The following AEBP2 variants were observed in gnomAD, a reference collection of about 807,000 sequenced individuals.
AEBP2 encodes zinc finger protein AEBP2.
In AEBP2, 10 loss-of-function variants were observed where a neutral mutation model predicts 50.8. The observed-to-expected ratio is 0.20, with a 90% confidence interval of 0.12 to 0.33. The LOEUF (loss-of-function observed/expected upper bound fraction) is 0.33. Among genes scored for constraint, AEBP2 ranks in the 10% least tolerant of loss-of-function variants. AEBP2 has a pLI of 1.00. For synonymous variants in AEBP2, 296 were observed against 261.3 expected, an observed-to-expected ratio of 1.13 and a Z score of -1.28; for missense variants, 570 against 688.0, an observed-to-expected ratio of 0.83 and a Z score of 1.92.
intron 5 of AEBP2, among the ~76,000 whole-genome samples, chr12:19,500,913 C>T (rs1056295229): frequency 8.5e-5 from 13 of 152,182 alleles, no homozygotes; most frequent in Non-Finnish European, 1.9e-4. Flanking sequence ...CATGCCTCTT[C>T]TCATTTTGTT....
At chr12:19,501,775 C>A (rs1199529237) in intron 5 of AEBP2, among the ~76,000 whole-genome samples, 1 of 145,198 alleles carries the variant, frequency 6.9e-6, no homozygotes, top group East Asian at 2.0e-4. Context: ...CTATTTCCGT[C>A]GTCTCCTATA....
At chr12:19,504,563 A>G (rs972524810) in intron 5 of AEBP2, among the ~76,000 whole-genome samples, 1 of 152,026 alleles carries the variant, frequency 6.6e-6, no homozygotes, top group Non-Finnish European at 1.5e-5. Context: ...CTTTTATTAC[A>G]TAGGGTTTAT....
intron 2 of AEBP2, among the ~76,000 whole-genome samples, chr12:19,467,033 T>C (rs904818597): frequency 2.0e-5 from 3 of 152,004 alleles, no homozygotes; most frequent in Non-Finnish European, 4.4e-5. Flanking sequence ...TCAAGTGGAG[T>C]TTAGATTTTC....
At chr12:19,412,378 A>G (rs935649702) in intron 1 of AEBP2, among the ~76,000 whole-genome samples, 1 of 151,940 alleles carries the variant, frequency 6.6e-6, no homozygotes, top group African/African-American at 2.4e-5. Flanking sequence ...CCTGGGTTCA[A>G]GCGATTCTCC....
chr12:19,466,371 G>A (rs1419739130), intron 2 of AEBP2, among the ~76,000 whole-genome samples: 1 of 152,076 alleles, frequency 6.6e-6, no homozygotes, highest in Non-Finnish European at 1.5e-5. Flanking sequence ...TGGGAGAATT[G>A]CTTGAGCCCA....
intron 3 of AEBP2, 149 bp downstream of exon 3, chr12:19,473,504 C>T (rs571050036): frequency 4.1e-6 from 1 of 245,426 alleles, no homozygotes; most frequent in Admixed American, 5.5e-5. Context: ...CTGCTGTGTT[C>T]AATTGATTTT....
intron 3 of AEBP2, among the ~76,000 whole-genome samples, chr12:19,475,441 T>G (rs1271095794): frequency 2.6e-5 from 4 of 152,050 alleles, no homozygotes; most frequent in African/African-American, 7.2e-5. Flanking sequence ...ATGGTATGTA[T>G]GTATGTATGT....
chr12:19,431,655 A>G (rs1042607696), intron 1 of AEBP2, among the ~76,000 whole-genome samples: 1 of 152,228 alleles, frequency 6.6e-6, no homozygotes, highest in Non-Finnish European at 1.5e-5. Context: ...CTTTAACTCA[A>G]AAACTATAAT....
chr12:19,423,187 T>A (rs2095746757), intron 1 of AEBP2, among the ~76,000 whole-genome samples: 1 of 149,710 alleles, frequency 6.7e-6, no homozygotes, highest in Non-Finnish European at 1.5e-5. Flanking sequence ...CAGTGCCTCA[T>A]ACATAGTAGA....
chr12:19,460,423 C>A (rs2153369844), intron 1 of AEBP2, among the ~76,000 whole-genome samples: 1 of 151,738 alleles, frequency 6.6e-6, no homozygotes, highest in African/African-American at 2.4e-5. Flanking sequence ...CTCACTGCAA[C>A]CTCCTACTGC....
In AEBP2 at chr12:19,413,633, G is replaced by A. The variant is rs180970381; in HGVS notation, c.-17+9417G>A. On this transcript the variant is annotated intron_variant, in intron 1 of 3. Coordinates refer to the AEBP2 transcript ENST00000538425. Reference sequence around the variant, plus strand: ...GCTATTCCATAGACAGAGCAGCCCAGCGGGCCGCTGGTTGTCCATTTTTAT... The same window carrying A: ...GCTATTCCATAGACAGAGCAGCCCAACGGGCCGCTGGTTGTCCATTTTTAT... Among the ~76,000 whole-genome samples the A allele has an allele frequency of 2.0e-5, 3 of 152,190 alleles. No homozygotes were observed. The East Asian group carries it at 5.8e-4, about 29-fold the overall frequency.
In AEBP2 at chr12:19,440,251, C is replaced by A. The variant is rs747676646; in HGVS notation, c.552C>A (p.Gly184=). The change falls in exon 1 of 8, where the codon GGC becomes GGA. Residue 184 remains glycine (G), a synonymous_variant. Transcript: ENST00000266508. ...GTAGCAGCAGCGTAGTCTCCAGCGGCGGCGACGAGGGCTACGGGACTGGGG... is the reference window on the plus strand; with the variant it reads ...GTAGCAGCAGCGTAGTCTCCAGCGGAGGCGACGAGGGCTACGGGACTGGGG... ...GSSSSSVVSS[G]GDEGYGTGGG... 1 of 1,467,068 alleles carries A rather than the reference C, an allele frequency of 6.8e-7. No homozygotes were observed. The highest frequency in any genetic ancestry group is 8.9e-7 in the Non-Finnish European group (1 of 1,120,454). The allele number at this position is 1,467,068 out of a possible 1,614,324, so 90.9% of individuals were successfully genotyped here.
At chr12:19,465,823 G>T (rs1366781203) in intron 2 of AEBP2, among the ~76,000 whole-genome samples, 1 of 134,846 alleles carries the variant, frequency 7.4e-6, no homozygotes, top group East Asian at 2.2e-4. Context: ...ATGGAGTGTT[G>T]CTCTGTTTCC....
chr12:19,502,156 A>G (rs571430376), intron 5 of AEBP2, among the ~76,000 whole-genome samples: 1 of 151,922 alleles, frequency 6.6e-6, no homozygotes, highest in Admixed American at 6.5e-5. Flanking sequence ...TTCTTTTGAG[A>G]CAGAGTCTTG....
At chr12:19,497,611 T>TACCG (rs1396160484) in intron 4 of AEBP2, among the ~76,000 whole-genome samples, 4 of 152,120 alleles carry the variant, frequency 2.6e-5, no homozygotes, top group Non-Finnish European at 5.9e-5. Flanking sequence ...TAGCTGGGAC[T>TACCG]ACCGGCACAC....
intron 1 of AEBP2, among the ~76,000 whole-genome samples, chr12:19,432,335 G>T (rs987400483): frequency 1.3e-5 from 2 of 152,132 alleles, no homozygotes; most frequent in Non-Finnish European, 2.9e-5. Context: ...TCTGCTTCGG[G>T]GTTCCCCTAA....
intron 1 of AEBP2, chr12:19,440,826 T>G: frequency 6.9e-7 from 1 of 1,449,630 alleles, no homozygotes; most frequent in South Asian, 1.2e-5. Flanking sequence ...CAGAACTTCC[T>G]TGTCCATGGG....
intron 3 of AEBP2, among the ~76,000 whole-genome samples, chr12:19,479,868 C>A (rs911061392): frequency 1.3e-5 from 2 of 150,882 alleles, no homozygotes; most frequent in African/African-American, 2.4e-5. Context: ...TATTTGAGTC[C>A]TTATGTGTTA....
intron 4 of AEBP2, 46 bp downstream of exon 4, chr12:19,494,032 A>C: frequency 6.6e-7 from 1 of 1,513,156 alleles, no homozygotes; most frequent in Non-Finnish European, 8.9e-7. Context: ...TGGTTTTAAA[A>C]GATATCTTAG....
Sources: allele counts gnomAD v4.1 joint callset (sites outside exome capture counted in the v4.1 genomes callset), GRCh38; gene constraint gnomAD v4.1.1; transcripts MANE v1.5; gene names NCBI Gene and HGNC (gene_info 2026-07-23, HGNC 2026-07-21).